The following PTGIS variants were observed in gnomAD, a reference collection of about 807,000 sequenced individuals.
The protein encoded by PTGIS is prostacyclin synthase.
In PTGIS, 45 loss-of-function variants were observed where a neutral mutation model predicts 50.3. That is an observed-to-expected ratio of 0.90 (90% CI 0.70 to 1.15). The LOEUF (loss-of-function observed/expected upper bound fraction) is 1.15, where lower values mean the gene tolerates loss of function less well. Among genes scored for constraint, PTGIS ranks in the 50% most tolerant of loss-of-function variants. The pLI is 0.00. For synonymous variants in PTGIS, 260 were observed against 267.7 expected, an observed-to-expected ratio of 0.97 and a Z score of 0.28; for missense variants, 668 against 661.3, an observed-to-expected ratio of 1.01 and a Z score of -0.11.
At chr20:49,536,500 A>ATTTTT (rs1982078403) in intron 5 of PTGIS, among the ~76,000 whole-genome samples, 3 of 48,364 alleles carry the variant, frequency 6.2e-5, no homozygotes, top group African/African-American at 2.9e-4. Context: ...TTTTTTTTTG[A>ATTTTT]GACGGAGTCT....
At chr20:49,541,607 T>C (rs1019208490) in intron 4 of PTGIS, among the ~76,000 whole-genome samples, 2 of 152,064 alleles carry the variant, frequency 1.3e-5, no homozygotes, top group African/African-American at 2.4e-5. Context: ...TGGCGGCACC[T>C]GTAGTCCCAG....
rs1441553004 is a variant in PTGIS, at chr20:49,505,884, A to C, written c.*2036T>G. The C allele has an allele frequency of 6.6e-6, 1 of 152,600 alleles. No individual in the cohort carries two copies. Among genetic ancestry groups the C allele is most frequent in the Non-Finnish European group, 1.5e-5 (1 of 68,064 alleles). The allele number at this position is 152,600 out of a possible 1,614,324, so 9.5% of individuals were successfully genotyped here. On this transcript the variant is annotated 3_prime_UTR_variant, in exon 10 of 10. Coordinates refer to ENST00000244043, the MANE Select transcript of PTGIS (RefSeq NM_000961.4). The stretch of plus-strand genomic sequence containing the variant: ...GAGGCTGAGGCCCAGGGAAGCCCCC[A>C]AACCCCAGTGCTGCTCTGAGAAGAG...
chr20:49,541,110 C>T (rs1431914321), intron 4 of PTGIS, among the ~76,000 whole-genome samples: 1 of 152,204 alleles, frequency 6.6e-6, no homozygotes, highest in Non-Finnish European at 1.5e-5. Context: ...AAGGGAGTTC[C>T]TAAAAACAAA....
chr20:49,523,994 C>A (rs1462615797), intron 6 of PTGIS, 64 bp downstream of exon 6: 3 of 1,581,588 alleles, frequency 1.9e-6, no homozygotes, highest in African/African-American at 2.7e-5. Context: ...TGCACACACA[C>A]ATGCGTTCAT....
chr20:49,533,227 CAT>C (rs1189363855), intron 5 of PTGIS, among the ~76,000 whole-genome samples: 4 of 152,186 alleles, frequency 2.6e-5, no homozygotes, highest in Non-Finnish European at 5.9e-5. Context: ...CCAGAAGACA[CAT>C]GTCTTTAAAG....
intron 6 of PTGIS, among the ~76,000 whole-genome samples, chr20:49,516,652 G>A (rs1981486004): frequency 6.6e-6 from 1 of 152,192 alleles, no homozygotes; most frequent in Non-Finnish European, 1.5e-5. Context: ...CATTAGTGAT[G>A]GTGAGATAGA....
Position 49,507,516 on chromosome 20 carries a change from C to T in PTGIS, c.*404G>A, listed in dbSNP as rs539460849. ...GAGTGGCCTTTCTGTGGCCAGCATC[C>T]GCTTTGACTGGATAAGGCCCGGGCC... On this transcript the variant is annotated 3_prime_UTR_variant, in exon 10 of 10. Transcript: ENST00000244043. 4 of 316,290 alleles carry T rather than the reference C, an allele frequency of 1.3e-5. No individual in the cohort carries two copies. Among genetic ancestry groups the T allele is most frequent in the African/African-American group, 4.3e-5 (2 of 46,634 alleles). 19.6% of individuals were successfully genotyped at this position (316,290 alleles called of 1,614,324 possible).
At chr20:49,519,296 T>C (rs989126931) in intron 6 of PTGIS, among the ~76,000 whole-genome samples, 1 of 152,100 alleles carries the variant, frequency 6.6e-6, no homozygotes. Context: ...AGGAAGCTGT[T>C]GTGAGGATCC....
intron 5 of PTGIS, among the ~76,000 whole-genome samples, chr20:49,528,999 T>C (rs758903872): frequency 1.3e-5 from 2 of 152,126 alleles, no homozygotes; most frequent in African/African-American, 2.4e-5. Flanking sequence ...TGAGGTATAA[T>C]TGACAAAGGA....
chr20:49,562,669 C>A (rs1982806302), intron 1 of PTGIS, among the ~76,000 whole-genome samples: 1 of 152,230 alleles, frequency 6.6e-6, no homozygotes, highest in Non-Finnish European at 1.5e-5. Flanking sequence ...CGGTTTCCTG[C>A]CCACCCTGGG....
rs1981132888 is a variant in PTGIS, at chr20:49,505,669, A to G, written c.*2251T>C. The G allele has an allele frequency of 6.6e-6, 1 of 152,650 alleles. No individual in the cohort carries two copies. Among genetic ancestry groups the G allele is most frequent in the Non-Finnish European group, 1.5e-5 (1 of 68,092 alleles). 9.5% of individuals were successfully genotyped at this position (152,650 alleles called of 1,614,324 possible). On this transcript the variant is annotated 3_prime_UTR_variant, in exon 10 of 10. Coordinates refer to ENST00000244043, the MANE Select transcript of PTGIS (RefSeq NM_000961.4). ...GGCTTGCTTCCTTCCCTTCCCAGCC[A>G]CGATGAGGCAGCTGAGGGTTGCCAC...
intron 1 of PTGIS, among the ~76,000 whole-genome samples, chr20:49,562,339 C>T (rs1982796896): frequency 6.6e-6 from 1 of 152,226 alleles, no homozygotes; most frequent in Admixed American, 6.5e-5. Context: ...CCCAGCGAGC[C>T]AGGTGTTATT....
At chr20:49,522,938 C>A (rs1981689642) in intron 6 of PTGIS, among the ~76,000 whole-genome samples, 1 of 152,094 alleles carries the variant, frequency 6.6e-6, no homozygotes, top group South Asian at 2.1e-4. Flanking sequence ...GCAGGAGAAT[C>A]GCTTGAACTC....
intron 1 of PTGIS, among the ~76,000 whole-genome samples, chr20:49,556,957 A>C (rs1480237821): frequency 6.6e-6 from 1 of 152,206 alleles, no homozygotes; most frequent in Non-Finnish European, 1.5e-5. Flanking sequence ...ACTGAACTTA[A>C]ACTTTGGAAG....
At chr20:49,524,025 C>T in intron 6 of PTGIS, 33 bp downstream of exon 6, 1 of 1,613,510 alleles carries the variant, frequency 6.2e-7, no homozygotes, top group South Asian at 1.1e-5. Context: ...CACATGCACA[C>T]CTGCACACAC....
chr20:49,516,017 G>T (rs1981463973), intron 6 of PTGIS, among the ~76,000 whole-genome samples: 1 of 151,126 alleles, frequency 6.6e-6, no homozygotes, highest in African/African-American at 2.4e-5. Context: ...AGGAGCTGGG[G>T]CCACAGGCAT....
At chr20:49,508,432 G>A (rs960855091) in intron 9 of PTGIS, among the ~76,000 whole-genome samples, 43 of 152,176 alleles carry the variant, frequency 2.8e-4, no homozygotes, top group Non-Finnish European at 5.6e-4. Flanking sequence ...GCCCGAGTCT[G>A]TGCACAGAGT....
intron 5 of PTGIS, among the ~76,000 whole-genome samples, chr20:49,531,207 C>A (rs1285097774): frequency 6.6e-6 from 1 of 152,110 alleles, no homozygotes; most frequent in Non-Finnish European, 1.5e-5. Flanking sequence ...AATAGAAAAT[C>A]TGGCAAACCC....
chr20:49,538,256 GAAA>G (rs58986753), intron 5 of PTGIS, among the ~76,000 whole-genome samples: 80 of 30,270 alleles, frequency 2.6e-3, no homozygotes, highest in African/African-American at 8.2e-3. Context: ...CCCTGGTTCA[GAAA>G]AAAAAAAAAA....
Sources: gnomAD v4.1 joint callset for allele counts (sites outside exome capture counted in the v4.1 genomes callset) on GRCh38, gnomAD v4.1.1 for gene constraint, MANE v1.5 for transcripts, NCBI Gene and HGNC (gene_info 2026-07-23, HGNC 2026-07-21) for gene names.